Variants in FAT1 observed in about 807,000 individuals in gnomAD.
FAT1 encodes the protein FAT atypical cadherin 1, also known as protocadherin Fat 1.
Under a neutral mutation model 329.8 loss-of-function variants are expected in FAT1, and 171 were observed. That is an observed-to-expected ratio of 0.52 (90% confidence interval 0.46 to 0.59). The LOEUF is 0.59. FAT1 is among the 20% of genes least tolerant of loss of function. The probability of loss-of-function intolerance (pLI) is 0.00; values close to 1 mark genes in which losing one functional copy is unlikely to be tolerated. For synonymous variants in FAT1, 2,233 were observed against 2,228.6 expected (o/e 1.00, Z -0.06); for missense variants, 5,672 against 5,774.4 (o/e 0.98, Z 0.57).
At position 186,621,194 on chromosome 4, in the gene FAT1, C is replaced by T. The variant is rs2126523030; in HGVS notation, c.5392G>A (p.Asp1798Asn). ...RNVPLVIRAA[D>N]ADKDSNALLV... ...AAAGCATTTGAGTCTTTATCAGCATCAGCTGCTCGAATCACCAGTGGGACA... is the reference window on the plus strand; with the variant it reads ...AAAGCATTTGAGTCTTTATCAGCATTAGCTGCTCGAATCACCAGTGGGACA... The change falls in exon 10 of 27, where the codon GAT becomes AAT. Residue 1798 changes from aspartate to asparagine, a missense_variant. Around this residue, in one of 2 missense-constraint regions of FAT1, gnomAD observed 3,966 missense variants for 3,915.2 expected, o/e 1.01. Coordinates refer to ENST00000441802, the MANE Select transcript of FAT1 (RefSeq NM_005245.4). 6.2e-7 allele frequency: 1 copy of T among 1,614,022 alleles called. No individual in the cohort carries two copies. The highest frequency in any genetic ancestry group is 8.5e-7 in the Non-Finnish European group (1 of 1,179,882).
chr4:186,596,545 T>C lies in FAT1; in HGVS notation c.12995A>G (p.Tyr4332Cys), dbSNP rs375970286. The change falls in exon 25 of 27, where the codon TAT (tyrosine) becomes TGT (cysteine). Residue 4332 changes from tyrosine (Y) to cysteine (C), a missense_variant. Coordinates refer to ENST00000441802, the MANE Select transcript of FAT1 (RefSeq NM_005245.4). The surrounding 1 kb of genome is among the most constrained non-coding windows in gnomAD (Gnocchi z 4.7). ...GATGAAAAAGTGGCTCTTACTGTCA[T>C]AGTCAAAGTCCCAGCTAGGCTTCTG... ...SIQKPSWDFDYDTKVVDLDPC... is the reference protein window; with the variant it reads ...SIQKPSWDFDCDTKVVDLDPC... 5.6e-6 allele frequency: 9 copies of C among 1,611,782 alleles called. No individual in the cohort carries two copies. The highest frequency in any genetic ancestry group is 2.2e-5 in the South Asian group (2 of 90,598).
chr4:186,592,309 G>A (rs906673949), intron 26 of FAT1, among the ~76,000 whole-genome samples: 1 of 152,150 alleles, frequency 6.6e-6, no homozygotes, highest in Non-Finnish European at 1.5e-5. Context: ...AACCAAAAGT[G>A]AAGAGTCAGT....
At chr4:186,697,844 A>C (rs1470648656) in intron 2 of FAT1, among the ~76,000 whole-genome samples, 1 of 152,210 alleles carries the variant, frequency 6.6e-6, no homozygotes, top group Non-Finnish European at 1.5e-5. Context: ...GAACCTCCAG[A>C]ACAGAGGATC....
At chr4:186,722,100 A>G (rs1312675325) in intron 1 of FAT1, among the ~76,000 whole-genome samples, 1 of 152,190 alleles carries the variant, frequency 6.6e-6, no homozygotes, top group African/African-American at 2.4e-5. Context: ...GACCTCCCAT[A>G]GGGCTGGGTT....
intron 4 of FAT1, among the ~76,000 whole-genome samples, chr4:186,637,979 T>A (rs1440667470): frequency 6.6e-6 from 1 of 152,260 alleles, no homozygotes; most frequent in Admixed American, 6.5e-5. Flanking sequence ...AGTTTGCATA[T>A]GAGCTTTAGA....
intron 3 of FAT1, among the ~76,000 whole-genome samples, chr4:186,660,600 C>G (rs889177052): frequency 6.6e-6 from 1 of 152,198 alleles, no homozygotes; most frequent in African/African-American, 2.4e-5. Flanking sequence ...GCCCTGCCAG[C>G]GGAGTGCCTG....
In FAT1 at chr4:186,603,536, G is replaced by C. The variant is rs1167745886; in HGVS notation, c.10990C>G (p.Gln3664Glu). 1.2e-5 allele frequency: 20 copies of C among 1,614,014 alleles called. No homozygotes were observed. The highest frequency in any genetic ancestry group is 1.6e-5 in the Non-Finnish European group (19 of 1,179,900). The change falls in exon 19 of 27, where the codon CAG becomes GAG. Residue 3664 changes from glutamine (Q) to glutamate (E), a missense_variant. By Grantham distance (29) the Gln-to-Glu change is conservative (BLOSUM62 2). Around this residue, in one of 2 missense-constraint regions of FAT1, gnomAD observed 1,706 missense variants for 1,859.1 expected, o/e 0.92. Transcript: ENST00000441802. ...CCCAGGATGTTCCGTAAAGCTCGCT[G>C]GAAGTTGCGCCAGTAGTCACCAACG... ...EFVGDYWRNF[Q>E]RALRNILGVR...
chr4:186,682,419 C>G (rs1267297195), intron 2 of FAT1, among the ~76,000 whole-genome samples: 1 of 151,514 alleles, frequency 6.6e-6, no homozygotes, highest in African/African-American at 2.4e-5. Context: ...CCCAGCTACT[C>G]GGGAGGCTGA....
intron 11 of FAT1, among the ~76,000 whole-genome samples, chr4:186,616,131 C>G (rs972202135): frequency 2.0e-5 from 3 of 152,058 alleles, no homozygotes; most frequent in Non-Finnish European, 2.9e-5. Flanking sequence ...CCAGGGCCCC[C>G]TTGCATCCAC....
At chr4:186,717,621 A>C (rs2126718774) in intron 1 of FAT1, among the ~76,000 whole-genome samples, 1 of 152,338 alleles carries the variant, frequency 6.6e-6, no homozygotes, top group East Asian at 1.9e-4. Flanking sequence ...CCTGCCCTTA[A>C]GAAAGATAAA....
chr4:186,658,060 T>C (rs1436874752), intron 3 of FAT1, among the ~76,000 whole-genome samples: 1 of 152,204 alleles, frequency 6.6e-6, no homozygotes, highest in Non-Finnish European at 1.5e-5. Flanking sequence ...CTCTTCCACC[T>C]TGAGCAAGTG....
chr4:186,616,029 C>T (rs991373013), intron 11 of FAT1, among the ~76,000 whole-genome samples: 62 of 152,176 alleles, frequency 4.1e-4, no homozygotes, highest in Non-Finnish European at 4.4e-4. Flanking sequence ...TGTAGAAAGT[C>T]GGGCTCGATG....
intron 1 of FAT1, among the ~76,000 whole-genome samples, chr4:186,713,328 C>G (rs1745052390): frequency 6.6e-6 from 1 of 152,100 alleles, no homozygotes; most frequent in Admixed American, 6.5e-5. Context: ...GGATGTCCCT[C>G]AACTGGAATC....
Position 186,588,481 on chromosome 4 carries a change from C to A in FAT1, c.*111G>T. 3 of 1,307,044 alleles carry A rather than the reference C, an allele frequency of 2.3e-6. No homozygotes were observed. The South Asian group carries it at 4.5e-5, about 20-fold the overall frequency. The allele number at this position is 1,307,044 out of a possible 1,614,324, so 81.0% of individuals were successfully genotyped here. A position where few individuals can be genotyped will look rare whatever the true frequency, so the allele number is the denominator to read the frequency against. On this transcript the variant is annotated 3_prime_UTR_variant, in exon 27 of 27. Coordinates refer to ENST00000441802, the MANE Select transcript of FAT1 (RefSeq NM_005245.4). ...AGGCGCAGGATCCAGCGCAGCCATG[C>A]CCATTCGGCTCACCAAAAAAAGCTT...
At position 186,688,034 on chromosome 4, in the gene FAT1, C is replaced by A. The variant is rs140368221; in HGVS notation, c.3265+18529G>T. ...GGCTTCTACAATGACTATATACTGC[C>A]TTTTTATTGGAAATAAAGATCATTT... On this transcript the variant is annotated intron_variant, in intron 2 of 26. Transcript: ENST00000441802. Among the ~76,000 whole-genome samples, 1,034 of 142,786 alleles carry A rather than the reference C, an allele frequency of 7.2e-3. 13 individuals are homozygous for A. The highest frequency in any genetic ancestry group is 0.026 in the African/African-American group (980 of 38,430). The allele number at this position is 142,786 out of a possible 152,430, so 93.7% of individuals were successfully genotyped here. A position where few individuals can be genotyped will look rare whatever the true frequency, so the allele number is the denominator to read the frequency against.
Position 186,621,651 on chromosome 4 carries a change from TGGACTG to T in FAT1, c.4929_4934del (p.Ser1644_Pro1645del). 1 of 1,614,050 alleles carries T rather than the reference TGGACTG, an allele frequency of 6.2e-7. No individual in the cohort carries two copies. The highest frequency in any genetic ancestry group is 8.5e-7 in the Non-Finnish European group (1 of 1,179,908). On this transcript the variant is annotated inframe_deletion, in exon 10 of 27. Coordinates refer to ENST00000441802, the MANE Select transcript of FAT1 (RefSeq NM_005245.4). ...GCACAGAAGTTATTTCACTCATTGGTGGACTGCCCTTATCTGTAGCTTTTACCATTA... is the reference window on the plus strand; with the variant it reads ...GCACAGAAGTTATTTCACTCATTGGTCCCTTATCTGTAGCTTTTACCATTA...
At chr4:186,709,893 C>CA in intron 1 of FAT1, 48 bp from the exon 2 acceptor site, 1 of 1,472,522 alleles carries the variant, frequency 6.8e-7, no homozygotes, top group Non-Finnish European at 9.1e-7. Flanking sequence ...ATAAAACAAG[C>CA]AAAAGTGTGT....
At chr4:186,642,366 T>C (rs1202397353) in intron 3 of FAT1, among the ~76,000 whole-genome samples, 1 of 152,218 alleles carries the variant, frequency 6.6e-6, no homozygotes, top group East Asian at 1.9e-4. Context: ...TTTTCTGTAC[T>C]GGAAAACTCA....
At chr4:186,661,417 T>C (rs567911944) in intron 3 of FAT1, among the ~76,000 whole-genome samples, 1 of 152,312 alleles carries the variant, frequency 6.6e-6, no homozygotes, top group East Asian at 1.9e-4. Flanking sequence ...CATGTTGACA[T>C]GGCTGTCCGT....
Sources: allele counts gnomAD v4.1 joint callset (sites outside exome capture counted in the v4.1 genomes callset), GRCh38; gene constraint gnomAD v4.1.1; regional missense constraint gnomAD v4.1.1; non-coding constraint Gnocchi (gnomAD v3.1); transcripts MANE v1.5; gene names NCBI Gene and HGNC (gene_info 2026-07-23, HGNC 2026-07-21).